The following PDE4D variants were observed in gnomAD, a reference collection of about 807,000 sequenced individuals.
The protein encoded by PDE4D is 3',5'-cyclic-AMP phosphodiesterase 4D.
Under a neutral mutation model 87.4 loss-of-function variants are expected in PDE4D, and 24 were observed. The observed-to-expected ratio is 0.27, with a 90% confidence interval of 0.20 to 0.39. The LOEUF (loss-of-function observed/expected upper bound fraction) is 0.39, where lower values mean the gene tolerates loss of function less well. Among genes scored for constraint, PDE4D ranks in the 10% least tolerant of loss-of-function variants. The pLI, the probability that PDE4D is intolerant of heterozygous loss-of-function variation, is 1.00. For synonymous variants in PDE4D, 384 were observed against 383.2 expected, an observed-to-expected ratio of 1.00 and a Z score of -0.02; for missense variants, 714 against 1,041.0, an observed-to-expected ratio of 0.69 and a Z score of 4.32.
At chr5:59,452,952 T>C (rs1217375482) in intron 1 of PDE4D, among the ~76,000 whole-genome samples, 1 of 150,902 alleles carries the variant, frequency 6.6e-6, no homozygotes, top group Non-Finnish European at 1.5e-5. Flanking sequence ...TTTGCAGAGA[T>C]GGCTTTTTTT....
intron 1 of PDE4D, among the ~76,000 whole-genome samples, chr5:60,267,822 A>C (rs1163424153): frequency 6.6e-6 from 1 of 152,150 alleles, no homozygotes; most frequent in Non-Finnish European, 1.5e-5. Context: ...TGCACCAAAG[A>C]AAACACTTCT....
chr5:59,568,152 G>T (rs1264504087), intron 1 of PDE4D, among the ~76,000 whole-genome samples: 1 of 152,092 alleles, frequency 6.6e-6, no homozygotes, highest in East Asian at 1.9e-4. Context: ...GGATGAAAGT[G>T]CATCAAAACA....
At chr5:59,872,125 G>A (rs10066552) in intron 1 of PDE4D, among the ~76,000 whole-genome samples, 2 of 152,096 alleles carry the variant, frequency 1.3e-5, no homozygotes, top group South Asian at 2.1e-4. Context: ...ACTTGGCGAC[G>A]ATGGGAGAAG....
chr5:59,679,729 T>C (rs911667905), intron 1 of PDE4D, among the ~76,000 whole-genome samples: 5 of 152,230 alleles, frequency 3.3e-5, no homozygotes, highest in Admixed American at 1.3e-4. Context: ...TATGAAGACT[T>C]TCATGGAATA....
chr5:60,113,604 CT>C (rs1777881839), intron 2 of PDE4D, among the ~76,000 whole-genome samples: 1 of 152,112 alleles, frequency 6.6e-6, no homozygotes, highest in Non-Finnish European at 1.5e-5. Context: ...TACAGACCCC[CT>C]GAGTCTCTAT....
intron 1 of PDE4D, chr5:60,430,280 G>T (rs751091946): frequency 8.2e-6 from 4 of 489,058 alleles, no homozygotes; most frequent in Non-Finnish European, 1.6e-5. Context: ...GAGCCATTCT[G>T]CCGGGCCCAA....
intron 1 of PDE4D, among the ~76,000 whole-genome samples, chr5:59,732,382 G>A (rs1757481015): frequency 7.6e-6 from 1 of 132,364 alleles, no homozygotes; most frequent in Non-Finnish European, 1.6e-5. Context: ...AATTTCAAAT[G>A]TCAGGAGACA....
At chr5:59,945,042 T>A (rs902909768) in intron 3 of PDE4D, among the ~76,000 whole-genome samples, 5 of 152,238 alleles carry the variant, frequency 3.3e-5, no homozygotes, top group African/African-American at 1.2e-4. Context: ...AAGTGCAGCA[T>A]TTTCTAGGAT....
At chr5:60,489,103 A>C (rs531553194), upstream of PDE4D, among the ~76,000 whole-genome samples, 10 of 152,374 alleles carry the variant, frequency 6.6e-5, no homozygotes, top group South Asian at 2.1e-3. Context: ...TAAAATAAGA[A>C]AGCAAAAAAA....
chr5:60,454,388 T>G lies in PDE4D; in HGVS notation c.-90+33554A>C, dbSNP rs192967144. Among the ~76,000 whole-genome samples the G allele has an allele frequency of 3.9e-5, 6 of 152,176 alleles. No homozygotes were observed. In the East Asian group the frequency reaches 1.2e-3, roughly 29 times the overall value. On this transcript the variant is annotated intron_variant, in intron 1 of 16. Transcript: ENST00000502484. The stretch of plus-strand genomic sequence containing the variant: ...AGCACTATTCACAATAGCAAAGACA[T>G]GGAATCAACCCAAATGCCGATCAAT...
At chr5:59,936,689 C>T (rs1213515369) in intron 3 of PDE4D, among the ~76,000 whole-genome samples, 1 of 152,192 alleles carries the variant, frequency 6.6e-6, no homozygotes, top group Admixed American at 6.5e-5. Context: ...GCAGTAGTCA[C>T]ATCCAATCCT....
At chr5:60,187,897 T>C (rs1227117577) in intron 1 of PDE4D, among the ~76,000 whole-genome samples, 2 of 152,222 alleles carry the variant, frequency 1.3e-5, no homozygotes, top group Non-Finnish European at 2.9e-5. Flanking sequence ...TTTCCAGATC[T>C]ACAAAAGAAA....
chr5:59,449,828 A>C (rs555649358), intron 1 of PDE4D, among the ~76,000 whole-genome samples: 1 of 152,180 alleles, frequency 6.6e-6, no homozygotes. Flanking sequence ...CTCCACTACA[A>C]AACAGGGAGG....
chr5:59,692,844 C>T (rs1452487282), intron 1 of PDE4D, among the ~76,000 whole-genome samples: 1 of 152,112 alleles, frequency 6.6e-6, no homozygotes, highest in Non-Finnish European at 1.5e-5. Flanking sequence ...CTTAATTTCT[C>T]TTCCTCACTT....
At chr5:59,838,488 T>C (rs1468710179) in intron 1 of PDE4D, among the ~76,000 whole-genome samples, 1 of 152,052 alleles carries the variant, frequency 6.6e-6, no homozygotes, top group Non-Finnish European at 1.5e-5. Flanking sequence ...ATTCCAGGCA[T>C]TTTCACACCT....
chr5:59,956,626 G>C (rs182305481), intron 3 of PDE4D, among the ~76,000 whole-genome samples: 72 of 152,230 alleles, frequency 4.7e-4, no homozygotes, highest in Non-Finnish European at 8.4e-4. Flanking sequence ...AATTACAAAA[G>C]AGGCATGCTT....
chr5:58,975,600 C>A lies in PDE4D; in HGVS notation c.2013+57G>T. On this transcript the variant is annotated intron_variant, in intron 14 of 14. Transcript: ENST00000340635. The surrounding 1 kb of genome is among the most constrained non-coding windows in gnomAD (Gnocchi z 4.2). Reference sequence around the variant, plus strand: ...TACTATCATATGTAATACAAAGTAACCAAATGCTAAAGCGGTAGCTCTGTT... The same window carrying A: ...TACTATCATATGTAATACAAAGTAAACAAATGCTAAAGCGGTAGCTCTGTT... The A allele has an allele frequency of 7.4e-7, 1 of 1,347,178 alleles. No homozygotes were observed. The highest frequency in any genetic ancestry group is 9.9e-7 in the Non-Finnish European group (1 of 1,014,604). 83.5% of individuals were successfully genotyped at this position (1,347,178 alleles called of 1,614,324 possible).
chr5:59,796,263 A>G (rs1766466726), intron 1 of PDE4D, among the ~76,000 whole-genome samples: 2 of 152,262 alleles, frequency 1.3e-5, no homozygotes, highest in South Asian at 4.1e-4. Context: ...CACCAGAAAC[A>G]CAAAAGCCTG....
At chr5:59,697,711 A>G (rs1301550740) in intron 1 of PDE4D, among the ~76,000 whole-genome samples, 2 of 152,200 alleles carry the variant, frequency 1.3e-5, no homozygotes, top group Non-Finnish European at 2.9e-5. Context: ...AGTGTCAGGC[A>G]ACCTGTTACC....
Sources: allele counts gnomAD v4.1 joint callset (sites outside exome capture counted in the v4.1 genomes callset), GRCh38; gene constraint gnomAD v4.1.1; non-coding constraint Gnocchi (gnomAD v3.1); transcripts MANE v1.5; gene names NCBI Gene and HGNC (gene_info 2026-07-23, HGNC 2026-07-21).